ZNF345: variants seen among roughly 807,000 people sequenced by gnomAD.
ZNF345 encodes zinc finger protein 345, also known as zinc finger protein HZF10.
For synonymous variants in ZNF345, 166 were observed against 187.9 expected, an observed-to-expected ratio of 0.88 and a Z score of 0.95; for missense variants, 527 against 589.9, an observed-to-expected ratio of 0.89 and a Z score of 1.10.
chr19:36,886,710 G>A (rs961091786), intron 3 of ZNF345, among the ~76,000 whole-genome samples: 1 of 151,656 alleles, frequency 6.6e-6, no homozygotes, highest in Non-Finnish European at 1.5e-5. Flanking sequence ...GCTGGGGGCC[G>A]GGCGCGGTGG....
intron 2 of ZNF345, among the ~76,000 whole-genome samples, chr19:36,868,073 G>A (rs1018955585): frequency 1.2e-4 from 17 of 141,838 alleles, no homozygotes; most frequent in Non-Finnish European, 2.3e-4. Flanking sequence ...TGAAATCTCT[G>A]CTCACTGCAA....
Position 36,877,951 on chromosome 19 carries a change from A to G in ZNF345, c.1121A>G (p.Glu374Gly), listed in dbSNP as rs769448994. 1 of 1,614,108 alleles carries G rather than the reference A, an allele frequency of 6.2e-7. No homozygotes were observed. The highest frequency in any genetic ancestry group is 1.7e-5 in the Admixed American group (1 of 60,026). ...GGTGAGAAACCCTATGAATGTAAGG[A>G]ATGTGGGAAGGCCTTTGGTAGTGGC... ...HTGEKPYECK[E>G]CGKAFGSGSK... is the part of the protein sequence containing the mutation. Residue 374 changes from glutamate (E) to glycine (G), a missense_variant, in exon 3 of 3, where the codon GAA (glutamate) becomes GGA (glycine). Transcript: ENST00000420450.
At chr19:36,888,650 A>C (rs1393525253) in intron 3 of ZNF345, 1 of 152,132 alleles carries the variant, frequency 6.6e-6, no homozygotes, top group East Asian at 1.9e-4. Flanking sequence ...TTGGCTTTTA[A>C]TGGACTCATT....
chr19:36,878,086 T>C lies in ZNF345; in HGVS notation c.1256T>C (p.Ile419Thr). Residue 419 changes from isoleucine (I) to threonine (T), a missense_variant, in exon 3 of 3, where the codon ATA (isoleucine) becomes ACA (threonine). Transcript: ENST00000420450. ...SGSALNRHQR[I>T]HTGEKPYECK... ...TCAGCTCTTAATCGGCACCAGAGAA[T>C]ACACACTGGTGAGAAACCCTATGAA... The C allele has an allele frequency of 6.2e-7, 1 of 1,614,072 alleles. No homozygotes were observed. The highest frequency in any genetic ancestry group is 8.5e-7 in the Non-Finnish European group (1 of 1,179,992).
intron 2 of ZNF345, among the ~76,000 whole-genome samples, chr19:36,861,092 T>C (rs1483795678): frequency 6.6e-6 from 1 of 152,216 alleles, no homozygotes; most frequent in African/African-American, 2.4e-5. Flanking sequence ...GGTTATAATC[T>C]GTTGTTATTT....
At chr19:36,891,635 C>T (rs1488551130) in intron 3 of ZNF345, 1 of 1,613,368 alleles carries the variant, frequency 6.2e-7, no homozygotes, top group Non-Finnish European at 8.5e-7. Flanking sequence ...AAGGCCTTCC[C>T]ACATTCATTA....
In ZNF345 at chr19:36,879,336, A is replaced by G. The variant is rs1188799728; in HGVS notation, c.*1039A>G. On this transcript the variant is annotated 3_prime_UTR_variant, in exon 3 of 3. Coordinates refer to ENST00000420450, the MANE Select transcript of ZNF345 (RefSeq NM_001242472.2). ...ATGTAGATAAAAAGAAAAAAAGGAT[A>G]TGGTTACCTGTAATCTTACCAATCA... 1 of 167,116 alleles carries G rather than the reference A, an allele frequency of 6.0e-6. No homozygotes were observed. The highest frequency in any genetic ancestry group is 2.4e-5 in the African/African-American group (1 of 41,464). The allele number at this position is 167,116 out of a possible 1,614,324, so 10.4% of individuals were successfully genotyped here.
At chr19:36,859,889 C>CACACAA (rs1433615894) in intron 2 of ZNF345, among the ~76,000 whole-genome samples, 1 of 151,960 alleles carries the variant, frequency 6.6e-6, no homozygotes, top group African/African-American at 2.4e-5. Flanking sequence ...CACACACACA[C>CACACAA]ACACACACAC....
Position 36,857,624 on chromosome 19 carries a change from A to G in ZNF345, c.-47+5720A>G, listed in dbSNP as rs373420940. On this transcript the variant is annotated intron_variant, in intron 2 of 2. Coordinates refer to ENST00000420450, the MANE Select transcript of ZNF345 (RefSeq NM_001242472.2). The stretch of plus-strand genomic sequence containing the variant: ...GCTTAAATGTCAGTAAATACTTCCA[A>G]AATAATTTCATATTGGCTTGATCAC... 9.2e-5 allele frequency among the ~76,000 whole-genome samples: 14 copies of G among 151,928 alleles called. No individual in the cohort carries two copies. The East Asian group carries it at 9.8e-4, about 11-fold the overall frequency.
intron 2 of ZNF345, among the ~76,000 whole-genome samples, chr19:36,860,557 C>CCTT (rs1446858930): frequency 1.6e-4 from 24 of 152,020 alleles, no homozygotes; most frequent in African/African-American, 5.6e-4. Flanking sequence ...GAGGAGAAGC[C>CCTT]ATTTATTTTG....
chr19:36,855,090 A>G (rs2072379694), intron 2 of ZNF345, among the ~76,000 whole-genome samples: 2 of 149,868 alleles, frequency 1.3e-5, no homozygotes, highest in African/African-American at 4.9e-5. Flanking sequence ...TGACCTGGTG[A>G]TCCGCCTGCC....
At chr19:36,883,976 A>T (rs2072982690), downstream of ZNF345, among the ~76,000 whole-genome samples, 1 of 152,218 alleles carries the variant, frequency 6.6e-6, no homozygotes, top group African/African-American at 2.4e-5. Context: ...AGCTGACTAC[A>T]AATTTGGGAC....
intron 2 of ZNF345, among the ~76,000 whole-genome samples, chr19:36,856,212 G>C (rs2072415584): frequency 6.6e-6 from 1 of 152,092 alleles, no homozygotes; most frequent in Non-Finnish European, 1.5e-5. Flanking sequence ...TTATATGTAA[G>C]TTTTGCTCCC....
chr19:36,877,999 T>C lies in ZNF345; in HGVS notation c.1169T>C (p.Leu390Pro), dbSNP rs2072926292. The C allele has an allele frequency of 2.5e-6, 4 of 1,613,358 alleles. No individual in the cohort carries two copies. Among genetic ancestry groups the C allele is most frequent in the Non-Finnish European group, 3.4e-6 (4 of 1,179,752 alleles). ...GGCTCAAAACTTATCCAACACCAGC[T>C]AATCCATACTGGTGAAAGACCCTAT... ...GSGSKLIQHQ[L>P]IHTGERPYEC... Residue 390 changes from leucine (L) to proline (P), a missense_variant, in exon 3 of 3, where the codon CTA becomes CCA. By Grantham distance (98) the Leu-to-Pro change is moderately conservative. Transcript: ENST00000420450.
chr19:36,851,793 G>A (rs963796875), intron 1 of ZNF345, 37 bp from the exon 2 acceptor site: 11 of 152,284 alleles, frequency 7.2e-5, no homozygotes, highest in Non-Finnish European at 1.5e-4. Context: ...CCTCTCAGAA[G>A]AACCTGATGT....
chr19:36,852,350 T>C (rs555057348), intron 2 of ZNF345, among the ~76,000 whole-genome samples: 10 of 152,188 alleles, frequency 6.6e-5, no homozygotes, highest in South Asian at 6.2e-4. Flanking sequence ...CAGTGGCTCA[T>C]GCCTGTAATC....
chr19:36,866,471 C>T (rs980705629), intron 2 of ZNF345, among the ~76,000 whole-genome samples: 3 of 152,140 alleles, frequency 2.0e-5, no homozygotes, highest in Non-Finnish European at 2.9e-5. Context: ...TTGTATAACT[C>T]CCTAAAGAAT....
chr19:36,874,501 A>T (rs1338663743), intron 2 of ZNF345, among the ~76,000 whole-genome samples: 1 of 140,106 alleles, frequency 7.1e-6, no homozygotes, highest in Non-Finnish European at 1.5e-5. Flanking sequence ...CTAAAAAAAA[A>T]AAAAGGGGGG....
chr19:36,852,124 CTTTCTTTTTT>C (rs917683258), intron 2 of ZNF345, among the ~76,000 whole-genome samples: 1 of 107,680 alleles, frequency 9.3e-6, no homozygotes, highest in Non-Finnish European at 1.8e-5. Flanking sequence ...TTTTTTCTTT[CTTTCTTTTTT>C]TTTTTTTTTT....
Sources: allele counts gnomAD v4.1 joint callset (sites outside exome capture counted in the v4.1 genomes callset), GRCh38; gene constraint gnomAD v4.1.1; transcripts MANE v1.5; gene names NCBI Gene and HGNC (gene_info 2026-07-23, HGNC 2026-07-21).